The following RFX3 variants were observed in gnomAD, a reference collection of about 807,000 sequenced individuals.
RFX3 encodes transcription factor RFX3.
RFX3 carries 14 observed loss-of-function variants against 98.6 expected under a neutral mutation model. The ratio of observed to expected loss-of-function variants is 0.14; its 90% confidence interval spans 0.09 to 0.22. The LOEUF is 0.22. Among genes scored for constraint, RFX3 ranks in the 10% least tolerant of loss-of-function variants. RFX3 has a pLI of 1.00. For synonymous variants in RFX3, 383 were observed against 328.4 expected (o/e 1.17, Z -1.80); for missense variants, 639 against 926.9 (o/e 0.69, Z 4.03).
At chr9:3,253,725 G>T (rs1419849804) in intron 14 of RFX3, among the ~76,000 whole-genome samples, 1 of 152,040 alleles carries the variant, frequency 6.6e-6, no homozygotes, top group East Asian at 1.9e-4. Flanking sequence ...AAAAATTTTA[G>T]AAATTAGATT....
At chr9:3,394,251 CAGG>C (rs1156979332) in intron 2 of RFX3, among the ~76,000 whole-genome samples, 1 of 152,016 alleles carries the variant, frequency 6.6e-6, no homozygotes, top group African/African-American at 2.4e-5. Context: ...ATCACGAGGT[CAGG>C]AGATCGAGAC....
chr9:3,414,341 AAGAGT>A (rs1259587893), intron 1 of RFX3, among the ~76,000 whole-genome samples: 4 of 152,082 alleles, frequency 2.6e-5, no homozygotes, highest in African/African-American at 9.7e-5. Flanking sequence ...TGTCAATCTT[AAGAGT>A]AAAGTCATTA....
chr9:3,378,532 T>C (rs1838798790), intron 2 of RFX3, among the ~76,000 whole-genome samples: 1 of 151,452 alleles, frequency 6.6e-6, no homozygotes, highest in Admixed American at 6.6e-5. Flanking sequence ...TTCTAACACT[T>C]CTTTCTCATA....
intron 4 of RFX3, among the ~76,000 whole-genome samples, chr9:3,303,279 A>C (rs1828884635): frequency 1.3e-5 from 2 of 151,932 alleles, no homozygotes; most frequent in Non-Finnish European, 2.9e-5. Flanking sequence ...CTGTGAAACT[A>C]TAAAGGACTT....
At chr9:3,271,456 C>T (rs554036627) in intron 9 of RFX3, among the ~76,000 whole-genome samples, 21 of 139,870 alleles carry the variant, frequency 1.5e-4, no homozygotes, top group Non-Finnish European at 3.0e-4. Context: ...TCCCTCCCTT[C>T]CTTCCTTCCT....
At chr9:3,320,313 G>T (rs1363844749) in intron 4 of RFX3, among the ~76,000 whole-genome samples, 1 of 152,106 alleles carries the variant, frequency 6.6e-6, no homozygotes, top group Non-Finnish European at 1.5e-5. Flanking sequence ...AGCACTTTGG[G>T]AAGCTGAGGC....
At chr9:3,369,964 G>A (rs949153021) in intron 2 of RFX3, among the ~76,000 whole-genome samples, 2 of 150,400 alleles carry the variant, frequency 1.3e-5, no homozygotes, top group Non-Finnish European at 3.0e-5. Flanking sequence ...GAGTAGCTGG[G>A]ACTACAGGCG....
intron 1 of RFX3, among the ~76,000 whole-genome samples, chr9:3,416,825 AC>A (rs1380752708): frequency 2.0e-5 from 3 of 152,162 alleles, no homozygotes; most frequent in African/African-American, 7.2e-5. Flanking sequence ...GGAAAAAGGA[AC>A]CAAAGAATAG....
chr9:3,484,622 T>G (rs1850091007), intron 1 of RFX3, among the ~76,000 whole-genome samples: 2 of 152,240 alleles, frequency 1.3e-5, no homozygotes, highest in African/African-American at 4.8e-5. Context: ...ATTTTCTACT[T>G]CACATGTGGT....
chr9:3,395,263 T>G (rs974828604), intron 2 of RFX3, among the ~76,000 whole-genome samples: 2 of 152,208 alleles, frequency 1.3e-5, no homozygotes, highest in African/African-American at 4.8e-5. Flanking sequence ...ATAACTTGAG[T>G]ATTCATTTTT....
At chr9:3,456,077 C>T (rs372798233) in intron 1 of RFX3, among the ~76,000 whole-genome samples, 150 of 152,292 alleles carry the variant, frequency 9.8e-4, no homozygotes, top group African/African-American at 3.4e-3. Context: ...CAGAAGAGCA[C>T]GCTCCTGAAG....
intron 15 of RFX3, 72 bp from the exon 16 acceptor site, chr9:3,228,961 T>TA: frequency 7.4e-7 from 1 of 1,345,056 alleles, no homozygotes; most frequent in Non-Finnish European, 1.0e-6. Context: ...CAGTCTGTAG[T>TA]AAAAATGCCA....
At chr9:3,489,380 G>A (rs551036351) in intron 1 of RFX3, 3 of 974,696 alleles carry the variant, frequency 3.1e-6, no homozygotes, top group South Asian at 4.8e-5. Flanking sequence ...TTTCTGAATG[G>A]CAGTGGAAGG....
At chr9:3,439,765 T>A (rs1169384832) in intron 1 of RFX3, among the ~76,000 whole-genome samples, 1 of 151,908 alleles carries the variant, frequency 6.6e-6, no homozygotes, top group Admixed American at 6.6e-5. Context: ...AGAGAATACT[T>A]CCCAACCTAG....
intron 5 of RFX3, among the ~76,000 whole-genome samples, chr9:3,297,703 T>C (rs573209454): frequency 1.8e-4 from 27 of 152,076 alleles, no homozygotes; most frequent in African/African-American, 6.0e-4. Flanking sequence ...AAAACAAGGT[T>C]TTGCTTTGAG....
At chr9:3,304,995 A>T (rs936903455) in intron 4 of RFX3, among the ~76,000 whole-genome samples, 1 of 152,052 alleles carries the variant, frequency 6.6e-6, no homozygotes, top group African/African-American at 2.4e-5. Context: ...AATATATATA[A>T]GAACACCTAC....
rs546323756 is a variant in RFX3, at chr9:3,360,713, T to A, written c.118-13949A>T. Among the ~76,000 whole-genome samples, 190 of 152,222 alleles carry A rather than the reference T, an allele frequency of 1.2e-3. 1 individual carries two copies. The highest frequency in any genetic ancestry group is 4.3e-3 in the African/African-American group (180 of 41,528). On this transcript the variant is annotated intron_variant, in intron 2 of 16. Transcript: ENST00000617270. ...ACTTTTTTTGTAATTTGTATTATTT[T>A]TTAAAAAAGTGAATACCAAAACAAA...
At chr9:3,229,333 G>A (rs1350724338) in intron 15 of RFX3, among the ~76,000 whole-genome samples, 1 of 152,134 alleles carries the variant, frequency 6.6e-6, no homozygotes, top group Non-Finnish European at 1.5e-5. Context: ...CAGCAGTTTG[G>A]CTGAACTCTA....
chr9:3,418,082 G>C (rs1843128046), intron 1 of RFX3, among the ~76,000 whole-genome samples: 1 of 152,158 alleles, frequency 6.6e-6, no homozygotes, highest in Non-Finnish European at 1.5e-5. Context: ...ATAGCACAAT[G>C]AATAGGAGTG....
Sources: gnomAD v4.1 joint callset for allele counts (sites outside exome capture counted in the v4.1 genomes callset) on GRCh38, gnomAD v4.1.1 for gene constraint, MANE v1.5 for transcripts, NCBI Gene and HGNC (gene_info 2026-07-23, HGNC 2026-07-21) for gene names.